GABBR1: variants seen among roughly 807,000 people sequenced by gnomAD.
The protein encoded by GABBR1 is gamma-aminobutyric acid type B receptor subunit 1.
Under a neutral mutation model 117.7 loss-of-function variants are expected in GABBR1, and 35 were observed. The ratio of observed to expected loss-of-function variants is 0.30; its 90% CI spans 0.23 to 0.39. The LOEUF is 0.39. Among genes scored for constraint, GABBR1 ranks in the 10% least tolerant of loss-of-function variants. GABBR1 has a pLI of 1.00. For synonymous variants in GABBR1, 442 were observed against 486.6 expected (o/e 0.91, Z 1.21); for missense variants, 709 against 1,241.8 (o/e 0.57, Z 6.45).
intron 11 of GABBR1, among the ~76,000 whole-genome samples, chr6:29,617,618 C>T (rs1357934730): frequency 6.6e-6 from 1 of 152,184 alleles, no homozygotes; most frequent in East Asian, 1.9e-4. Flanking sequence ...ATATTTCTAA[C>T]TGACTCTGAG....
Position 29,613,336 on chromosome 6 carries a change from A to G in GABBR1, c.1473T>C (p.Ser491=), listed in dbSNP as rs17854216. 160,596 of 1,612,942 alleles carry G rather than the reference A, an allele frequency of 0.1. 8,637 individuals carry two copies. Among genetic ancestry groups the G allele is most frequent in the Middle Eastern group, 0.17 (1,011 of 6,062 alleles). The change falls in exon 12 of 23, where the codon TCT becomes TCC. Residue 491 remains serine (S), a synonymous_variant. Coordinates refer to ENST00000377034, the MANE Select transcript of GABBR1 (RefSeq NM_001470.4). The surrounding 1 kb of genome is among the most constrained non-coding windows in gnomAD (Gnocchi z 4.1). ...AGTTGAAGTCCTCCAGGCGCACACC[A>G]GAACGGCCGCCTCCTCCAGATGTCT... ...LNKTSGGGGR[S]GVRLEDFNYN...
In GABBR1 at chr6:29,631,686, G is replaced by C. The variant is rs1764991491; in HGVS notation, c.86-87C>G. The C allele has an allele frequency of 4.1e-6, 5 of 1,217,502 alleles. No individual in the cohort carries two copies. In the South Asian group the frequency reaches 6.3e-5, roughly 15 times the overall value. 75.4% of individuals were successfully genotyped at this position (1,217,502 alleles called of 1,614,324 possible). A position where few individuals can be genotyped will look rare whatever the true frequency, so the allele number is the denominator to read the frequency against. Reference sequence around the variant, plus strand: ...CCCCAGTGGGAGGAAGGGGAGAGTAGGGCGTGGTCTGTGGGCAGGCTGGGG... The same window carrying C: ...CCCCAGTGGGAGGAAGGGGAGAGTACGGCGTGGTCTGTGGGCAGGCTGGGG... On this transcript the variant is annotated intron_variant, in intron 2 of 22. Transcript: ENST00000377034. The surrounding 1 kb of genome is among the most constrained non-coding windows in gnomAD (Gnocchi z 5.9).
chr6:29,613,451 C>T lies in GABBR1; in HGVS notation c.1358G>A (p.Arg453Gln), dbSNP rs758766135. ...TGTCTCCTCAGGGTGTCTTTTCAGT[C>T]GCTTGGTTAGTTTCTCCACAAATTC... ...SQEFVEKLTK[R>Q]LKRHPEETGG... The change falls in exon 12 of 23, where the codon CGA becomes CAA. Residue 453 changes from arginine to glutamine, a missense_variant. Transcript: ENST00000377034. This position sits in a 1 kb window ranked among gnomAD's most constrained non-coding sequence, Gnocchi z 4.1. 4.3e-6 allele frequency: 7 copies of T among 1,612,860 alleles called. No homozygotes were observed. Among genetic ancestry groups the T allele is most frequent in the African/African-American group, 1.3e-5 (1 of 74,904 alleles).
At position 29,631,667 on chromosome 6, in the gene GABBR1, T is replaced by C. The variant is rs1764988626; in HGVS notation, c.86-68A>G. The C allele has an allele frequency of 8.4e-6, 12 of 1,422,374 alleles. No individual in the cohort carries two copies. Among genetic ancestry groups the C allele is most frequent in the Non-Finnish European group, 1.1e-5 (11 of 1,009,784 alleles). 88.1% of individuals were successfully genotyped at this position (1,422,374 alleles called of 1,614,324 possible). Reference sequence around the variant, plus strand: ...AAAGAGGAAAAGGCAGGCTCCCCAGTGGGAGGAAGGGGAGAGTAGGGCGTG... The same window carrying C: ...AAAGAGGAAAAGGCAGGCTCCCCAGCGGGAGGAAGGGGAGAGTAGGGCGTG... On this transcript the variant is annotated intron_variant, in intron 2 of 22. Transcript: ENST00000377034. This position sits in a 1 kb window ranked among gnomAD's most constrained non-coding sequence, Gnocchi z 5.9.
In GABBR1 at chr6:29,623,525, C is replaced by T. The variant is rs780754400; in HGVS notation, c.793-50G>A. The T allele has an allele frequency of 6.5e-7, 1 of 1,543,376 alleles. No individual in the cohort carries two copies. The highest frequency in any genetic ancestry group is 1.4e-5 in the African/African-American group (1 of 73,476). On this transcript the variant is annotated intron_variant, in intron 7 of 22. Coordinates refer to ENST00000377034, the MANE Select transcript of GABBR1 (RefSeq NM_001470.4). The surrounding 1 kb of genome is among the most constrained non-coding windows in gnomAD (Gnocchi z 6.2). ...AACAGGGTCTGTTCACTGAGGACACCAAGAGTGGCCAAGAGTTCCTTTAAC... is the reference window on the plus strand; with the variant it reads ...AACAGGGTCTGTTCACTGAGGACACTAAGAGTGGCCAAGAGTTCCTTTAAC...
In GABBR1 at chr6:29,627,445, G is replaced by T. The variant is rs1431544479; in HGVS notation, c.657+41C>A. 3 of 654,128 alleles carry T rather than the reference G, an allele frequency of 4.6e-6. No individual in the cohort carries two copies. Among genetic ancestry groups the T allele is most frequent in the African/African-American group, 2.0e-5 (1 of 50,586 alleles). The allele number at this position is 654,128 out of a possible 1,614,324, so 40.5% of individuals were successfully genotyped here. A position where few individuals can be genotyped will look rare whatever the true frequency, so the allele number is the denominator to read the frequency against. On this transcript the variant is annotated intron_variant, in intron 6 of 22. Coordinates refer to ENST00000377034, the MANE Select transcript of GABBR1 (RefSeq NM_001470.4). This position sits in a 1 kb window ranked among gnomAD's most constrained non-coding sequence, Gnocchi z 4.4. The stretch of plus-strand genomic sequence containing the variant: ...GTGCAGCTGGCTGGCCCCCTGCCCC[G>T]CAAGCCCCCACCTCCCACCCACCCC...
rs760309411 is a variant in GABBR1 at position 29,603,666 on chromosome 6, C to A, written c.2763G>T (p.Gln921His). Reference protein sequence around the residue: ...ELRHQLQSRQQLRSRRHPPTP... With the variant: ...ELRHQLQSRQHLRSRRHPPTP... ...TCGGTGGGTGGCGCCGGGAGCGGAGCTGCTGCCGAGACTGGAGTTGATGGC... is the reference window on the plus strand; with the variant it reads ...TCGGTGGGTGGCGCCGGGAGCGGAGATGCTGCCGAGACTGGAGTTGATGGC... The change falls in exon 23 of 23, where the codon CAG (glutamine) becomes CAT (histidine). Residue 921 changes from glutamine to histidine, a missense_variant. By Grantham distance (24) the Gln-to-His change is conservative. This residue lies in a region of GABBR1 where 69 missense variants were observed against 64.3 expected (regional missense o/e 1.07). Transcript: ENST00000377034. 43 of 1,514,534 alleles carry A rather than the reference C, an allele frequency of 2.8e-5. No homozygotes were observed. Among genetic ancestry groups the A allele is most frequent in the Non-Finnish European group, 3.6e-5 (41 of 1,135,332 alleles). 93.8% of individuals were successfully genotyped at this position (1,514,534 alleles called of 1,614,324 possible). A position where few individuals can be genotyped will look rare whatever the true frequency, so the allele number is the denominator to read the frequency against.
chr6:29,608,274 C>T (rs1762163340), intron 16 of GABBR1, among the ~76,000 whole-genome samples: 2 of 152,228 alleles, frequency 1.3e-5, no homozygotes, highest in Non-Finnish European at 1.5e-5. Context: ...TCTCAGCCCC[C>T]ATACCACAGA....
rs200050691 is a variant in GABBR1, at chr6:29,614,752, C to T, written c.1324-1267G>A. Among the ~76,000 whole-genome samples the T allele has an allele frequency of 6.6e-5, 10 of 152,224 alleles. No individual in the cohort carries two copies. The East Asian group carries it at 7.7e-4, about 12-fold the overall frequency. On this transcript the variant is annotated intron_variant, in intron 11 of 22. Coordinates refer to ENST00000377034, the MANE Select transcript of GABBR1 (RefSeq NM_001470.4). Reference sequence around the variant, plus strand: ...TCTGTAAAGTATTTAATAGTAGATACGTCTCATTATACATTTGTCCAAACC... The same window carrying T: ...TCTGTAAAGTATTTAATAGTAGATATGTCTCATTATACATTTGTCCAAACC...
Position 29,627,455 on chromosome 6 carries a change from A to AC in GABBR1, c.657+30dup. ...CTGGCCCCCTGCCCCGCAAGCCCCC[A>AC]CCTCCCACCCACCCCCATGTCCAGG... is the stretch of plus-strand genomic sequence containing the variant. On this transcript the variant is annotated intron_variant, in intron 6 of 22. Transcript: ENST00000377034. The surrounding 1 kb of genome is among the most constrained non-coding windows in gnomAD (Gnocchi z 4.4). 3.2e-5 allele frequency: 11 copies of AC among 341,658 alleles called. No individual in the cohort carries two copies. The highest frequency in any genetic ancestry group is 2.1e-4 in the East Asian group (3 of 14,246). The allele number at this position is 341,658 out of a possible 1,614,324, so 21.2% of individuals were successfully genotyped here.
In GABBR1 at chr6:29,605,422, A is replaced by C; in HGVS notation, c.2439+147T>G. ...GTCTGTAGTGAGCTTTGTAAACTGT[A>C]AAGTGCTTTATAGACCTGAAGAATT... On this transcript the variant is annotated intron_variant, in intron 20 of 22. Transcript: ENST00000377034. This position sits in a 1 kb window ranked among gnomAD's most constrained non-coding sequence, Gnocchi z 4.2. 1.1e-6 allele frequency: 1 copy of C among 906,952 alleles called. No individual in the cohort carries two copies. The highest frequency in any genetic ancestry group is 1.7e-6 in the Non-Finnish European group (1 of 592,510). 56.2% of individuals were successfully genotyped at this position (906,952 alleles called of 1,614,324 possible). A position where few individuals can be genotyped will look rare whatever the true frequency, so the allele number is the denominator to read the frequency against.
rs1358049468 is a variant in GABBR1 at position 29,609,749 on chromosome 6, T to C, written c.1709-370A>G. The stretch of plus-strand genomic sequence containing the variant: ...GAGAAAGAAGGGGATCATTAAAAAA[T>C]GTTATAAGGTTTCTTATAACCCAAA... On this transcript the variant is annotated intron_variant, in intron 14 of 22. Transcript: ENST00000377034. The surrounding 1 kb of genome is among the most constrained non-coding windows in gnomAD (Gnocchi z 4.3). Among the ~76,000 whole-genome samples the C allele has an allele frequency of 6.6e-6, 1 of 152,014 alleles. No homozygotes were observed. Among genetic ancestry groups the C allele is most frequent in the Admixed American group, 6.6e-5 (1 of 15,250 alleles).
rs1763899083 is a variant in GABBR1 at position 29,622,846 on chromosome 6, C to A, written c.963+459G>T. ...CTTTCTGCCCCTCTCTCTCCTCTCC[C>A]TCATTCCTCTCTCTCTCTCTCTTTC... On this transcript the variant is annotated intron_variant, in intron 8 of 22. Transcript: ENST00000377034. The surrounding 1 kb of genome is among the most constrained non-coding windows in gnomAD (Gnocchi z 4.6). 6.6e-6 allele frequency among the ~76,000 whole-genome samples: 1 copy of A among 151,972 alleles called. No individual in the cohort carries two copies. Among genetic ancestry groups the A allele is most frequent in the Non-Finnish European group, 1.5e-5 (1 of 67,964 alleles).
Position 29,623,787 on chromosome 6 carries a change from T to C in GABBR1, c.792+103A>G. The C allele has an allele frequency of 7.4e-7, 1 of 1,353,552 alleles. No homozygotes were observed. The allele number at this position is 1,353,552 out of a possible 1,614,324, so 83.8% of individuals were successfully genotyped here. A position where few individuals can be genotyped will look rare whatever the true frequency, so the allele number is the denominator to read the frequency against. On this transcript the variant is annotated intron_variant, in intron 7 of 22. Coordinates refer to ENST00000377034, the MANE Select transcript of GABBR1 (RefSeq NM_001470.4). The surrounding 1 kb of genome is among the most constrained non-coding windows in gnomAD (Gnocchi z 6.2). Reference sequence around the variant, plus strand: ...GAGGACTCTGAATCTTAGTAGCAGGTCCTCCACACTCCTTTTCAATACAAA... The same window carrying C: ...GAGGACTCTGAATCTTAGTAGCAGGCCCTCCACACTCCTTTTCAATACAAA...
chr6:29,626,016 G>A (rs1764231268), intron 6 of GABBR1, among the ~76,000 whole-genome samples: 1 of 152,136 alleles, frequency 6.6e-6, no homozygotes, highest in South Asian at 2.1e-4. Context: ...ACCAAGATAG[G>A]ATGTCTATTA....
intron 11 of GABBR1, among the ~76,000 whole-genome samples, chr6:29,614,901 T>C (rs1448850639): frequency 6.8e-6 from 1 of 146,090 alleles, no homozygotes; most frequent in African/African-American, 2.6e-5. Flanking sequence ...ATGTCGATAA[T>C]GTAGAAGGCT....
intron 16 of GABBR1, 113 bp downstream of exon 16, chr6:29,608,488 A>T (rs775060147): frequency 9.7e-6 from 11 of 1,137,646 alleles, no homozygotes; most frequent in African/African-American, 1.5e-5. Context: ...GAACAGGGAC[A>T]AGAGTCAGGG....
chr6:29,608,743 A>T lies in GABBR1; in HGVS notation c.1860-10T>A. The T allele has an allele frequency of 1.9e-6, 3 of 1,612,444 alleles. No individual in the cohort carries two copies. The highest frequency in any genetic ancestry group is 2.5e-6 in the Non-Finnish European group (3 of 1,179,638). On this transcript the variant is annotated splice_polypyrimidine_tract_variant and intron_variant, in intron 15 of 22. Transcript: ENST00000377034. ...TGAGTTCTGGATATAACTAGGGCAG[A>T]GGTGGAGAGGGTGAGAGGGAGAGAG...
intron 5 of GABBR1, 51 bp downstream of exon 5, chr6:29,629,036 G>A: frequency 6.2e-7 from 1 of 1,607,040 alleles, no homozygotes; most frequent in Non-Finnish European, 8.5e-7. Context: ...GGAGGGTGCA[G>A]AGTGAAGGGG....
Sources: gnomAD v4.1 joint callset for allele counts (sites outside exome capture counted in the v4.1 genomes callset) on GRCh38, gnomAD v4.1.1 for gene constraint, gnomAD v4.1.1 regional missense constraint, Gnocchi (gnomAD v3.1) non-coding constraint, MANE v1.5 for transcripts, NCBI Gene and HGNC (gene_info 2026-07-23, HGNC 2026-07-21) for gene names.